Variants in RBM38 observed in about 807,000 individuals in gnomAD.
RBM38 encodes RNA binding motif protein 38.
A neutral mutation model predicts 23.5 loss-of-function variants in RBM38; 11 were observed. The ratio of observed to expected loss-of-function variants is 0.47; its 90% CI spans 0.29 to 0.77. RBM38 has a LOEUF of 0.77. Ranked by LOEUF, RBM38 falls within the 30% of genes least tolerant of loss-of-function variation. The pLI is 0.08. For missense variants in RBM38, 330 were observed against 351.9 expected, an observed-to-expected ratio of 0.94 and a Z score of 0.50; for synonymous variants, 165 against 166.1, an observed-to-expected ratio of 0.99 and a Z score of 0.05.
intron 3 of RBM38, chr20:57,399,914 G>T: frequency 2.2e-6 from 1 of 456,320 alleles, no homozygotes. Flanking sequence ...TGCCTTTTTC[G>T]TTTTTATTTT....
In RBM38 at chr20:57,399,855, G is replaced by A. The variant is rs528553696; in HGVS notation, c.416+6522G>A. 2.6e-4 allele frequency: 119 copies of A among 456,194 alleles called. 2 individuals carry two copies. The East Asian group carries it at 7.3e-3, about 28-fold the overall frequency. 28.3% of individuals were successfully genotyped at this position (456,194 alleles called of 1,614,324 possible). A position where few individuals can be genotyped will look rare whatever the true frequency, so the allele number is the denominator to read the frequency against. ...CTAAGAGCTGCGGTCCGTCTCTGCC[G>A]AGGTGGGGCAAGGCCCCTGGAGAGC... On this transcript the variant is annotated intron_variant, in intron 3 of 3. Coordinates refer to ENST00000356208, the MANE Select transcript of RBM38 (RefSeq NM_017495.6).
Position 57,392,792 on chromosome 20 carries a change from T to C in RBM38, c.361+15T>C, listed in dbSNP as rs376436180. ...CCTCCAGACGGGTGAGAGCTTGTGTTTTCCTGCCTGGCTCTTCTCGGTTTC... is the reference window on the plus strand; with the variant it reads ...CCTCCAGACGGGTGAGAGCTTGTGTCTTCCTGCCTGGCTCTTCTCGGTTTC... On this transcript the variant is annotated intron_variant, in intron 2 of 3. Coordinates refer to ENST00000356208, the MANE Select transcript of RBM38 (RefSeq NM_017495.6). 1 of 1,609,510 alleles carries C rather than the reference T, an allele frequency of 6.2e-7. No individual in the cohort carries two copies.
intron 3 of RBM38, among the ~76,000 whole-genome samples, chr20:57,394,498 G>C (rs2067254392): frequency 6.6e-6 from 1 of 152,196 alleles, no homozygotes; most frequent in African/African-American, 2.4e-5. Flanking sequence ...GCTGGCTGAG[G>C]GGTGCTGGAG....
chr20:57,401,497 CT>C (rs1328032286), intron 3 of RBM38, among the ~76,000 whole-genome samples: 1 of 152,222 alleles, frequency 6.6e-6, no homozygotes, highest in African/African-American at 2.4e-5. Flanking sequence ...CGGGGGGGCT[CT>C]TTTGCCTCCC....
At position 57,407,454 on chromosome 20, in the gene RBM38, G is replaced by A. The variant is rs1231090009; in HGVS notation, c.417-89G>A. The stretch of plus-strand genomic sequence containing the variant: ...TGAGGAAAGTCGGGGCTCGGGGTGG[G>A]GGGCGGCACGCATCGTGTACCCCAC... On this transcript the variant is annotated intron_variant, in intron 3 of 3. Coordinates refer to ENST00000356208, the MANE Select transcript of RBM38 (RefSeq NM_017495.6). The surrounding 1 kb of genome is among the most constrained non-coding windows in gnomAD (Gnocchi z 4.0). The A allele has an allele frequency of 7.1e-7, 1 of 1,408,028 alleles. No individual in the cohort carries two copies. The highest frequency in any genetic ancestry group is 1.4e-5 in the African/African-American group (1 of 69,634). 87.2% of individuals were successfully genotyped at this position (1,408,028 alleles called of 1,614,324 possible).
intron 3 of RBM38, among the ~76,000 whole-genome samples, chr20:57,395,629 G>A (rs2067266180): frequency 6.6e-6 from 1 of 152,102 alleles, no homozygotes; most frequent in Admixed American, 6.5e-5. Flanking sequence ...TCTGAGAATC[G>A]CGCCGCCTCC....
At chr20:57,404,164 AGCCCTCGAGGTGAG>A (rs1263246474) in intron 3 of RBM38, among the ~76,000 whole-genome samples, 2 of 152,206 alleles carry the variant, frequency 1.3e-5, no homozygotes, top group Non-Finnish European at 2.9e-5. Context: ...GAAATGACGC[AGCCCTCGAGGTGAG>A]TGTGGCCGGA....
In RBM38 at chr20:57,409,273, A is replaced by G. The variant is rs2067421386; in HGVS notation, c.*1427A>G. The G allele has an allele frequency of 1.3e-5, 2 of 152,560 alleles. No homozygotes were observed. The highest frequency in any genetic ancestry group is 2.4e-5 in the African/African-American group (1 of 41,456). The allele number at this position is 152,560 out of a possible 1,614,324, so 9.5% of individuals were successfully genotyped here. On this transcript the variant is annotated 3_prime_UTR_variant, in exon 4 of 4. Coordinates refer to ENST00000356208, the MANE Select transcript of RBM38 (RefSeq NM_017495.6). ...GAGAATAAAGGTAGCTAATCTCATC[A>G]TAATATTTTTATTAGAATGTTCTGA... is the stretch of plus-strand genomic sequence containing the variant.
intron 3 of RBM38, among the ~76,000 whole-genome samples, chr20:57,398,275 TACGC>T (rs1381034541): frequency 6.7e-6 from 1 of 149,540 alleles, no homozygotes; most frequent in Non-Finnish European, 1.5e-5. Flanking sequence ...TGTGTGTGTG[TACGC>T]ACGCACACGT....
intron 3 of RBM38, among the ~76,000 whole-genome samples, chr20:57,406,243 G>A (rs1209151770): frequency 6.6e-6 from 1 of 152,214 alleles, no homozygotes; most frequent in Non-Finnish European, 1.5e-5. Flanking sequence ...CAGCTGGTTG[G>A]CAGAGCAGGC....
At chr20:57,403,384 G>T (rs1007351633) in intron 3 of RBM38, among the ~76,000 whole-genome samples, 2 of 152,210 alleles carry the variant, frequency 1.3e-5, no homozygotes, top group African/African-American at 2.4e-5. Context: ...CTTCGTGGCT[G>T]CTTCTACCTT....
chr20:57,405,322 T>G (rs999991920), intron 3 of RBM38, among the ~76,000 whole-genome samples: 1 of 152,176 alleles, frequency 6.6e-6, no homozygotes, highest in African/African-American at 2.4e-5. Flanking sequence ...GAGAAAGGCG[T>G]CACAGCTCGA....
intron 3 of RBM38, among the ~76,000 whole-genome samples, chr20:57,398,378 G>A (rs533378015): frequency 6.6e-6 from 1 of 152,298 alleles, no homozygotes; most frequent in South Asian, 2.1e-4. Context: ...CAGGCCCAGG[G>A]TGACAGGCCA....
intron 3 of RBM38, among the ~76,000 whole-genome samples, chr20:57,401,916 T>G (rs2067332032): frequency 6.6e-6 from 1 of 151,974 alleles, no homozygotes; most frequent in East Asian, 1.9e-4. Flanking sequence ...AGCTGGAGGG[T>G]TCTGCTTCTG....
chr20:57,406,863 G>A (rs770232918), intron 3 of RBM38, among the ~76,000 whole-genome samples: 21 of 152,042 alleles, frequency 1.4e-4, no homozygotes, highest in Non-Finnish European at 2.6e-4. Flanking sequence ...GCGTGGTGGC[G>A]GGCACCTGTA....
At position 57,391,696 on chromosome 20, in the gene RBM38, G is replaced by T. The variant is rs1225465260; in HGVS notation, c.115G>T (p.Gly39Cys). The change falls in exon 1 of 4, where the codon GGC becomes TGC. Residue 39 changes from glycine to cysteine, a missense_variant. Around this residue, in one of 3 missense-constraint regions of RBM38, gnomAD observed 95 missense variants for 111.9 expected, o/e 0.85. Transcript: ENST00000356208. ...CACCACGTTCACCAAGATCTTCGTG[G>T]GCGGCCTGCCGTACCACACTACCGA... ...KDTTFTKIFV[G>C]GLPYHTTDAS... The T allele has an allele frequency of 6.6e-7, 1 of 1,518,462 alleles. No homozygotes were observed. The highest frequency in any genetic ancestry group is 2.1e-5 in the Admixed American group (1 of 48,100). The allele number at this position is 1,518,462 out of a possible 1,614,324, so 94.1% of individuals were successfully genotyped here.
chr20:57,398,090 T>C (rs866355162), intron 3 of RBM38, among the ~76,000 whole-genome samples: 2 of 152,160 alleles, frequency 1.3e-5, no homozygotes, highest in Middle Eastern at 3.2e-3. Context: ...AGTGTCCTGG[T>C]TTTGCTCATG....
chr20:57,399,152 C>T (rs1054618511), intron 3 of RBM38, among the ~76,000 whole-genome samples: 2 of 152,150 alleles, frequency 1.3e-5, no homozygotes, highest in Admixed American at 6.5e-5. Context: ...AGGGAGCAGC[C>T]GGGGAGGCTC....
Position 57,399,823 on chromosome 20 carries a change from C to T in RBM38, c.416+6490C>T, listed in dbSNP as rs370944582. On this transcript the variant is annotated intron_variant, in intron 3 of 3. Coordinates refer to ENST00000356208, the MANE Select transcript of RBM38 (RefSeq NM_017495.6). ...TTCCCACACCCAGCCAGGCGGGAGTCAGAACCCTAAGAGCTGCGGTCCGTC... is the reference window on the plus strand; with the variant it reads ...TTCCCACACCCAGCCAGGCGGGAGTTAGAACCCTAAGAGCTGCGGTCCGTC... The T allele has an allele frequency of 4.6e-5, 21 of 453,386 alleles. No homozygotes were observed. In the East Asian group the frequency reaches 1.3e-3, roughly 27 times the overall value. The allele number at this position is 453,386 out of a possible 1,614,324, so 28.1% of individuals were successfully genotyped here. A position where few individuals can be genotyped will look rare whatever the true frequency, so the allele number is the denominator to read the frequency against.
Sources: allele counts gnomAD v4.1 joint callset (sites outside exome capture counted in the v4.1 genomes callset), GRCh38; gene constraint gnomAD v4.1.1; regional missense constraint gnomAD v4.1.1; non-coding constraint Gnocchi (gnomAD v3.1); transcripts MANE v1.5; gene names NCBI Gene and HGNC (gene_info 2026-07-23, HGNC 2026-07-21).